Variants in HMCN1 observed in about 807,000 individuals in gnomAD.
HMCN1 encodes hemicentin-1.
In HMCN1, 321 loss-of-function variants were observed where a neutral mutation model predicts 625.9. That is an observed-to-expected ratio of 0.51 (90% CI 0.47 to 0.56). The LOEUF (loss-of-function observed/expected upper bound fraction) is 0.56, where lower values mean the gene tolerates loss of function less well. Ranked by LOEUF, HMCN1 falls within the 20% of genes least tolerant of loss-of-function variation. HMCN1 has a pLI of 0.00. For missense variants in HMCN1, 6,588 were observed against 6,887.3 expected (o/e 0.96, Z 1.54); for synonymous variants, 2,425 against 2,417.6 (o/e 1.00, Z -0.09).
chr1:186,187,744 A>G (rs1270261061), intron 105 of HMCN1, 139 bp from the exon 106 acceptor site: 18 of 1,110,928 alleles, frequency 1.6e-5, no homozygotes, highest in Non-Finnish European at 2.4e-5. Flanking sequence ...GTGGTTAAAG[A>G]AGGTTAGGTA....
chr1:186,154,928 T>C (rs1413263482), intron 97 of HMCN1, among the ~76,000 whole-genome samples: 1 of 152,154 alleles, frequency 6.6e-6, no homozygotes, highest in Non-Finnish European at 1.5e-5. Context: ...TCTGTGGGGT[T>C]TTAATGCTGG....
intron 4 of HMCN1, among the ~76,000 whole-genome samples, chr1:185,894,953 G>A (rs573182731): frequency 6.6e-6 from 1 of 152,022 alleles, no homozygotes; most frequent in East Asian, 1.9e-4. Flanking sequence ...TTAGCTTTGT[G>A]GAAATCTACT....
At chr1:185,822,090 G>T (rs1456159179) in intron 1 of HMCN1, among the ~76,000 whole-genome samples, 1 of 152,036 alleles carries the variant, frequency 6.6e-6, no homozygotes, top group Non-Finnish European at 1.5e-5. Flanking sequence ...GAGGATTCTT[G>T]GGGCAGTGAA....
At chr1:185,780,295 A>G (rs1656972974) in intron 1 of HMCN1, among the ~76,000 whole-genome samples, 1 of 152,228 alleles carries the variant, frequency 6.6e-6, no homozygotes. Context: ...ATCTGCAAAC[A>G]GGGACAATTT....
Position 185,997,529 on chromosome 1 carries a change from G to A in HMCN1, c.3874+5G>A, listed in dbSNP as rs201803260. On this transcript the variant is annotated splice_donor_5th_base_variant and intron_variant, in intron 25 of 106. Coordinates refer to ENST00000271588, the MANE Select transcript of HMCN1 (RefSeq NM_031935.3). The stretch of plus-strand genomic sequence containing the variant: ...AATTTCCATGTCCTGCAAAAGGTAC[G>A]TAATACTGAAAGATATAGGCATTGG... 1.0e-4 allele frequency: 165 copies of A among 1,584,272 alleles called. 1 individual carries two copies. The African/African-American group carries it at 1.6e-3, about 16-fold the overall frequency.
rs1278594934 is a variant in HMCN1, at chr1:185,993,195, C to T, written c.3391C>T (p.Pro1131Ser). The T allele has an allele frequency of 2.5e-6, 4 of 1,612,316 alleles. No individual in the cohort carries two copies. The highest frequency in any genetic ancestry group is 3.4e-6 in the Non-Finnish European group (4 of 1,178,700). The change falls in exon 23 of 107, where the codon CCT becomes TCT. Residue 1131 changes from proline to serine, a missense_variant. Pro to Ser is a moderately conservative substitution (Grantham distance 74, BLOSUM62 -1). Coordinates refer to ENST00000271588, the MANE Select transcript of HMCN1 (RefSeq NM_031935.3). The stretch of plus-strand genomic sequence containing the variant: ...TCTTTCTTTTAGACACACATTCCTC[C>T]CTTCTGGTTCAATGAAGATCACTGA... ...SPFSPRHTFLPSGSMKITETR... is the reference protein window; with the variant it reads ...SPFSPRHTFLSSGSMKITETR...
At position 185,984,267 on chromosome 1, in the gene HMCN1, T is replaced by A; in HGVS notation, c.2889T>A (p.Ser963Arg). 3 of 1,614,002 alleles carry A rather than the reference T, an allele frequency of 1.9e-6. No individual in the cohort carries two copies. The highest frequency in any genetic ancestry group is 2.5e-6 in the Non-Finnish European group (3 of 1,179,886). The change falls in exon 19 of 107, where the codon AGT becomes AGA. Residue 963 changes from serine (S) to arginine (R), a missense_variant. Ser to Arg is a moderately radical substitution (Grantham distance 110). This residue lies in a region of HMCN1 where 4,628 missense variants were observed against 4,853.1 expected (regional missense o/e 0.95). Coordinates refer to ENST00000271588, the MANE Select transcript of HMCN1 (RefSeq NM_031935.3). ...QDGGEYTCVA[S>R]NVAGTNNKTT... is the part of the protein sequence containing the mutation. ...GTGGTGAATATACTTGTGTGGCCAG[T>A]AACGTTGCTGGGACCAATAACAAAA...
intron 4 of HMCN1, among the ~76,000 whole-genome samples, chr1:185,874,203 TC>T (rs138788346): frequency 0.012 from 1,874 of 152,114 alleles, 52 homozygotes; most frequent in African/African-American, 0.044. Context: ...AGTGAGCTTA[TC>T]TAATGAAGCA....
At chr1:185,986,846 T>G (rs1652028546) in intron 19 of HMCN1, among the ~76,000 whole-genome samples, 1 of 148,420 alleles carries the variant, frequency 6.7e-6, no homozygotes, top group South Asian at 2.1e-4. Flanking sequence ...AAAAAAAAAT[T>G]AATTAATTAA....
chr1:186,160,818 G>T (rs917144184), intron 97 of HMCN1, among the ~76,000 whole-genome samples: 1 of 150,848 alleles, frequency 6.6e-6, no homozygotes, highest in South Asian at 2.1e-4. Flanking sequence ...TTTTACATTT[G>T]TTGAGGAGAG....
At chr1:185,754,471 T>C (rs924890694) in intron 1 of HMCN1, among the ~76,000 whole-genome samples, 1 of 152,198 alleles carries the variant, frequency 6.6e-6, no homozygotes, top group African/African-American at 2.4e-5. Context: ...TTTTTTTAAT[T>C]GTTGAGACTT....
At position 186,137,859 on chromosome 1, in the gene HMCN1, G is replaced by A. The variant is rs147789097; in HGVS notation, c.13811G>A (p.Arg4604His). Residue 4604 changes from arginine to histidine, a missense_variant, in exon 89 of 107, where the codon CGC becomes CAC. Physicochemically the swap from Arg to His is conservative, Grantham distance 29. This residue lies in a region of HMCN1 where 1,954 missense variants were observed against 2,013.1 expected (regional missense o/e 0.97). Transcript: ENST00000271588. ...LWEECTRSCG[R>H]GNQTRTRTCN... is the part of the protein sequence containing the mutation. ...GAAGAATGCACAAGGAGCTGTGGAC[G>A]CGGCAACCAAACCAGGACCAGGACT... The A allele has an allele frequency of 2.4e-5, 38 of 1,614,062 alleles. No homozygotes were observed. Among genetic ancestry groups the A allele is most frequent in the Middle Eastern group, 1.7e-4 (1 of 6,060 alleles).
intron 3 of HMCN1, 100 bp downstream of exon 3, chr1:185,864,728 ATAAC>A (rs1390447409): frequency 9.7e-7 from 1 of 1,028,438 alleles, no homozygotes; most frequent in African/African-American, 1.6e-5. Context: ...AACAATAATT[ATAAC>A]TATCTATCCA....
chr1:185,999,956 CA>C, intron 25 of HMCN1, 88 bp from the exon 26 acceptor site: 2 of 916,100 alleles, frequency 2.2e-6, no homozygotes, highest in Non-Finnish European at 3.3e-6. Flanking sequence ...ATTGTCATAA[CA>C]AAAACTTTAT....
intron 102 of HMCN1, 53 bp downstream of exon 102, chr1:186,172,184 A>G (rs988509317): frequency 5.0e-6 from 8 of 1,605,206 alleles, no homozygotes; most frequent in Non-Finnish European, 6.8e-6. Flanking sequence ...CAACAAGTCA[A>G]GTAAGGCATT....
intron 26 of HMCN1, 30 bp downstream of exon 26, chr1:186,000,269 T>A (rs1653089735): frequency 6.6e-7 from 1 of 1,504,660 alleles, no homozygotes; most frequent in African/African-American, 1.4e-5. Flanking sequence ...TGTAACTGAC[T>A]GTTTGCCAGT....
In HMCN1 at chr1:186,165,173, G is replaced by GGTAA. The variant is rs1326064193; in HGVS notation, c.15319+4_15319+7dup. The GGTAA allele has an allele frequency of 1.9e-6, 3 of 1,611,672 alleles. No individual in the cohort carries two copies. Among genetic ancestry groups the GGTAA allele is most frequent in the African/African-American group, 2.7e-5 (2 of 74,752 alleles). ...AGACTCAGTTGGACCTTTTTGTGCT[G>GGTAA]GTAAGTACAGAGATAAATAAAGGGT... is the stretch of plus-strand genomic sequence containing the variant. On this transcript the variant is annotated frameshift_variant and splice_region_variant. Coordinates refer to ENST00000271588, the MANE Select transcript of HMCN1 (RefSeq NM_031935.3). LOFTEE classifies it high-confidence loss of function.
At position 185,970,440 on chromosome 1, in the gene HMCN1, T is replaced by A; in HGVS notation, c.2318T>A (p.Val773Glu). The A allele has an allele frequency of 6.2e-7, 1 of 1,613,914 alleles. No individual in the cohort carries two copies. Among genetic ancestry groups the A allele is most frequent in the Non-Finnish European group, 8.5e-7 (1 of 1,179,748 alleles). ...CTGGATGCTGGCGATTATACCTGTG[T>A]AGCCATCAATGAGGCTGGAAGAGCA... Reference protein sequence around the residue: ...QDLDAGDYTCVAINEAGRATG... With the variant: ...QDLDAGDYTCEAINEAGRATG... Residue 773 changes from valine (V) to glutamate (E), a missense_variant, in exon 15 of 107, where the codon GTA (valine) becomes GAA (glutamate). This residue lies in a region of HMCN1 where 4,628 missense variants were observed against 4,853.1 expected (regional missense o/e 0.95). Transcript: ENST00000271588.
intron 2 of HMCN1, among the ~76,000 whole-genome samples, chr1:185,847,882 G>A (rs1661925216): frequency 6.6e-6 from 1 of 151,984 alleles, no homozygotes; most frequent in South Asian, 2.1e-4. Flanking sequence ...GAGCCCAGGA[G>A]TTCGAGGCTA....
Sources: gnomAD v4.1 joint callset for allele counts (sites outside exome capture counted in the v4.1 genomes callset) on GRCh38, gnomAD v4.1.1 for gene constraint, gnomAD v4.1.1 regional missense constraint, MANE v1.5 for transcripts, NCBI Gene and HGNC (gene_info 2026-07-23, HGNC 2026-07-21) for gene names.